Variants in SMYD3 observed in about 807,000 individuals in gnomAD.
SMYD3 encodes histone-lysine N-methyltransferase SMYD3.
In SMYD3, 36 loss-of-function variants were observed where a neutral mutation model predicts 57.7. The ratio of observed to expected loss-of-function variants is 0.62; its 90% CI spans 0.48 to 0.82. The LOEUF (loss-of-function observed/expected upper bound fraction) is 0.82, where lower values mean the gene tolerates loss of function less well. Ranked by LOEUF, SMYD3 falls within the 40% of genes least tolerant of loss-of-function variation. The pLI is 0.00. For missense variants in SMYD3, 515 were observed against 538.8 expected (o/e 0.96, Z 0.44); for synonymous variants, 211 against 195.0 (o/e 1.08, Z -0.68).
chr1:246,069,128 C>A lies in SMYD3; in HGVS notation c.532-139191G>T, dbSNP rs183771109. The stretch of plus-strand genomic sequence containing the variant: ...TGCTGTAGCTGGAGCACAGAGATAA[C>A]CGCCCCCAGTCACACAGCCTGTCTG... On this transcript the variant is annotated intron_variant, in intron 5 of 11. Coordinates refer to ENST00000490107, the MANE Select transcript of SMYD3 (RefSeq NM_001167740.2). 3.0e-3 allele frequency among the ~76,000 whole-genome samples: 458 copies of A among 152,312 alleles called. 4 individuals carry two copies. Among genetic ancestry groups the A allele is most frequent in the African/African-American group, 0.01 (416 of 41,564 alleles).
chr1:245,864,794 T>TA (rs1033040035), intron 8 of SMYD3, among the ~76,000 whole-genome samples: 7 of 152,130 alleles, frequency 4.6e-5, no homozygotes, highest in Non-Finnish European at 8.8e-5. Context: ...GCTGATATTT[T>TA]AAAAAAACAG....
chr1:245,860,433 A>C (rs548481183), intron 9 of SMYD3, among the ~76,000 whole-genome samples: 71 of 152,342 alleles, frequency 4.7e-4, no homozygotes, highest in Non-Finnish European at 8.5e-4. Flanking sequence ...CTGAGAGTGG[A>C]GACAAATACC....
intron 5 of SMYD3, 65 bp downstream of exon 5, chr1:246,327,135 CT>C: frequency 6.3e-7 from 1 of 1,599,012 alleles, no homozygotes; most frequent in Non-Finnish European, 8.5e-7. Flanking sequence ...ATTTTTGTAA[CT>C]AACAACAAAA....
At chr1:245,886,329 T>C (rs996868353) in intron 8 of SMYD3, among the ~76,000 whole-genome samples, 2 of 152,138 alleles carry the variant, frequency 1.3e-5, no homozygotes, top group Non-Finnish European at 2.9e-5. Context: ...CCTTACTTAT[T>C]AGAGTTCTCG....
At chr1:246,381,252 C>A (rs1390433843) in intron 1 of SMYD3, among the ~76,000 whole-genome samples, 1 of 152,130 alleles carries the variant, frequency 6.6e-6, no homozygotes, top group East Asian at 1.9e-4. Context: ...GGGCTTACTG[C>A]CACCTCGAAT....
chr1:246,211,445 A>C (rs2063086370), intron 5 of SMYD3, among the ~76,000 whole-genome samples: 1 of 152,130 alleles, frequency 6.6e-6, no homozygotes, highest in African/African-American at 2.4e-5. Context: ...TCATGTTCTT[A>C]TTAACCAATA....
chr1:246,456,851 T>G (rs765102492), intron 1 of SMYD3, among the ~76,000 whole-genome samples: 6 of 152,176 alleles, frequency 3.9e-5, no homozygotes, highest in African/African-American at 7.2e-5. Flanking sequence ...ATCAAAGTTA[T>G]GAAGGAGGAC....
rs1251956458 is a variant in SMYD3, at chr1:245,797,765, G to A, written c.1077-33616C>T. Among the ~76,000 whole-genome samples, 5 of 141,816 alleles carry A rather than the reference G, an allele frequency of 3.5e-5. No individual in the cohort carries two copies. In the East Asian group the frequency reaches 1.0e-3, roughly 29 times the overall value. The allele number at this position is 141,816 out of a possible 152,430, so 93.0% of individuals were successfully genotyped here. A position where few individuals can be genotyped will look rare whatever the true frequency, so the allele number is the denominator to read the frequency against. On this transcript the variant is annotated intron_variant, in intron 10 of 11. Coordinates refer to ENST00000490107, the MANE Select transcript of SMYD3 (RefSeq NM_001167740.2). ...AGGAGATTTCAGGTCCACTGCAGACGCCCCCTACTGGCCGGTTTTCAAAGC... is the reference window on the plus strand; with the variant it reads ...AGGAGATTTCAGGTCCACTGCAGACACCCCCTACTGGCCGGTTTTCAAAGC...
intron 5 of SMYD3, among the ~76,000 whole-genome samples, chr1:246,111,747 T>A (rs1178876903): frequency 6.6e-6 from 1 of 152,200 alleles, no homozygotes; most frequent in African/African-American, 2.4e-5. Context: ...ATGACAGCTA[T>A]CTGGAGTGGA....
intron 5 of SMYD3, among the ~76,000 whole-genome samples, chr1:246,021,094 CAT>C (rs1376959907): frequency 3.9e-5 from 6 of 152,320 alleles, no homozygotes; most frequent in Admixed American, 2.6e-4. Context: ...ATACCAGAAA[CAT>C]GTGACAATCA....
chr1:245,998,653 T>A (rs1244696733), intron 5 of SMYD3, among the ~76,000 whole-genome samples: 1 of 152,080 alleles, frequency 6.6e-6, no homozygotes, highest in Non-Finnish European at 1.5e-5. Context: ...CAATTCTGCT[T>A]CTCGGTATAT....
At chr1:245,929,719 A>G in intron 6 of SMYD3, 151 bp downstream of exon 6, 2 of 626,864 alleles carry the variant, frequency 3.2e-6, no homozygotes, top group East Asian at 2.8e-5. Context: ...TCAACTTAAC[A>G]TTTTCCATTT....
chr1:246,154,758 TG>T (rs1369934537), intron 5 of SMYD3, among the ~76,000 whole-genome samples: 7 of 151,818 alleles, frequency 4.6e-5, no homozygotes, highest in East Asian at 1.9e-4. Context: ...AAACAAACAA[TG>T]TTTTTTTTTT....
chr1:246,466,880 TA>T (rs1326456001), intron 1 of SMYD3, among the ~76,000 whole-genome samples: 3 of 151,416 alleles, frequency 2.0e-5, no homozygotes, highest in Non-Finnish European at 4.4e-5. Context: ...ATTTTTTTTT[TA>T]AAAATGCTGG....
intron 5 of SMYD3, among the ~76,000 whole-genome samples, chr1:246,076,711 C>T (rs2060555427): frequency 6.7e-6 from 1 of 150,088 alleles, no homozygotes; most frequent in Non-Finnish European, 1.5e-5. Context: ...ATTCTCTTCC[C>T]TTTGGATGAG....
intron 5 of SMYD3, among the ~76,000 whole-genome samples, chr1:245,999,184 C>CCATGAAACCAAACTATAAAGAAGA (rs1204059233): frequency 2.6e-5 from 4 of 151,002 alleles, no homozygotes; most frequent in Admixed American, 2.0e-4. Flanking sequence ...ACAAAAACAA[C>CCATGAAACCAAACTATAAAGAAGA]CAAACATGAA....
Position 245,749,672 on chromosome 1 carries a change from G to C in SMYD3, c.1186-8C>G, listed in dbSNP as rs368217479. ...TCTCATAATATCAAAAGCCTAAAGAGAAAGGACGGAAGAGAGATTAGACCC... is the reference window on the plus strand; with the variant it reads ...TCTCATAATATCAAAAGCCTAAAGACAAAGGACGGAAGAGAGATTAGACCC... On this transcript the variant is annotated splice_region_variant and splice_polypyrimidine_tract_variant and intron_variant, in intron 11 of 11. Coordinates refer to ENST00000490107, the MANE Select transcript of SMYD3 (RefSeq NM_001167740.2). The C allele has an allele frequency of 5.6e-6, 9 of 1,610,506 alleles. No individual in the cohort carries two copies. In the African/African-American group the frequency reaches 1.2e-4, roughly 22 times the overall value.
chr1:245,809,099 T>G (rs978378332), intron 10 of SMYD3, among the ~76,000 whole-genome samples: 22 of 152,204 alleles, frequency 1.4e-4, no homozygotes, highest in African/African-American at 5.3e-4. Context: ...AGGCTTTTCA[T>G]GAGGTCTCCA....
chr1:246,339,959 A>G (rs914234860), intron 2 of SMYD3, among the ~76,000 whole-genome samples: 7 of 152,184 alleles, frequency 4.6e-5, no homozygotes, highest in African/African-American at 9.7e-5. Context: ...ATAAACTTCT[A>G]TTGTTTATGA....
Sources: allele counts gnomAD v4.1 joint callset (sites outside exome capture counted in the v4.1 genomes callset), GRCh38; gene constraint gnomAD v4.1.1; transcripts MANE v1.5; gene names NCBI Gene and HGNC (gene_info 2026-07-23, HGNC 2026-07-21).